Variants in ROBO1 observed in about 807,000 individuals in gnomAD.
The protein encoded by ROBO1 is roundabout homolog 1.
Under a neutral mutation model 195.9 loss-of-function variants are expected in ROBO1, and 149 were observed. That is an observed-to-expected ratio of 0.76 (90% CI 0.67 to 0.87). ROBO1 has a LOEUF of 0.87. Among genes scored for constraint, ROBO1 ranks in the 40% least tolerant of loss-of-function variants. ROBO1 has a pLI of 0.00. For missense variants in ROBO1, 1,933 were observed against 2,068.3 expected (o/e 0.93, Z 1.27); for synonymous variants, 816 against 733.2 (o/e 1.11, Z -1.82).
At chr3:79,697,127 C>G (rs373495785) in intron 1 of ROBO1, among the ~76,000 whole-genome samples, 6 of 151,410 alleles carry the variant, frequency 4.0e-5, no homozygotes, top group South Asian at 2.1e-4. Flanking sequence ...GTATGGACTA[C>G]CCAGCCAGTA....
chr3:79,540,714 G>C (rs1041444848), intron 2 of ROBO1, among the ~76,000 whole-genome samples: 1 of 151,960 alleles, frequency 6.6e-6, no homozygotes, highest in African/African-American at 2.4e-5. Flanking sequence ...TCTGAAACTA[G>C]GTTTCTTCTT....
At chr3:79,552,537 C>A (rs1161280711) in intron 2 of ROBO1, among the ~76,000 whole-genome samples, 1 of 151,954 alleles carries the variant, frequency 6.6e-6, no homozygotes, top group East Asian at 1.9e-4. Flanking sequence ...ATAGTAAATT[C>A]ATAAATTTAA....
intron 2 of ROBO1, among the ~76,000 whole-genome samples, chr3:79,589,126 T>C (rs1943918340): frequency 6.6e-6 from 1 of 151,704 alleles, no homozygotes; most frequent in Non-Finnish European, 1.5e-5. Flanking sequence ...TTAACTTCAA[T>C]TGTTTCTGTC....
At chr3:78,606,681 C>T in intron 29 of ROBO1, 52 bp downstream of exon 29, 2 of 1,564,382 alleles carry the variant, frequency 1.3e-6, no homozygotes, top group Non-Finnish European at 1.7e-6. Flanking sequence ...TAACTGTATG[C>T]CTTGCAAACA....
chr3:78,951,437 TC>T (rs1451169997), intron 3 of ROBO1, among the ~76,000 whole-genome samples: 2 of 152,018 alleles, frequency 1.3e-5, no homozygotes, highest in East Asian at 3.9e-4. Context: ...AAAATTTCTA[TC>T]CCAATTGGCA....
At chr3:79,065,802 A>T (rs893576992) in intron 3 of ROBO1, among the ~76,000 whole-genome samples, 2 of 151,994 alleles carry the variant, frequency 1.3e-5, no homozygotes, top group Non-Finnish European at 2.9e-5. Context: ...AGGATCTAAC[A>T]TATATCCTGT....
chr3:78,683,341 A>C (rs1050118966), intron 10 of ROBO1, among the ~76,000 whole-genome samples: 4 of 152,248 alleles, frequency 2.6e-5, no homozygotes, highest in African/African-American at 9.6e-5. Flanking sequence ...CAACAATTTA[A>C]ATAAAATCAA....
chr3:78,607,355 G>A (rs968209352), intron 28 of ROBO1: 1 of 262,274 alleles, frequency 3.8e-6, no homozygotes, highest in Non-Finnish European at 7.3e-6. Context: ...TAGGACTATA[G>A]GCATGCACCA....
intron 3 of ROBO1, among the ~76,000 whole-genome samples, chr3:79,080,164 C>G (rs1274608280): frequency 1.3e-5 from 2 of 151,828 alleles, no homozygotes; most frequent in African/African-American, 2.4e-5. Context: ...ATGCATTATA[C>G]ATATTATTTA....
intron 2 of ROBO1, among the ~76,000 whole-genome samples, chr3:79,362,567 C>T (rs2035812090): frequency 6.6e-6 from 1 of 152,056 alleles, no homozygotes; most frequent in Non-Finnish European, 1.5e-5. Flanking sequence ...ATGGAGTGGA[C>T]TTGATGAAAT....
intron 4 of ROBO1, among the ~76,000 whole-genome samples, chr3:78,841,175 T>C (rs1369930779): frequency 2.0e-5 from 3 of 151,916 alleles, no homozygotes; most frequent in Non-Finnish European, 2.9e-5. Context: ...AACTTCAAAA[T>C]AGGATAATGA....
At chr3:78,732,880 T>C (rs192466237) in intron 5 of ROBO1, among the ~76,000 whole-genome samples, 1 of 152,266 alleles carries the variant, frequency 6.6e-6, no homozygotes, top group East Asian at 1.9e-4. Context: ...TGCAATAGGC[T>C]TTTAAAGCTT....
intron 4 of ROBO1, among the ~76,000 whole-genome samples, chr3:78,825,694 C>T (rs2108706138): frequency 6.6e-6 from 1 of 152,304 alleles, no homozygotes; most frequent in East Asian, 1.9e-4. Context: ...ACATACATTA[C>T]CTATATGTCA....
At chr3:79,562,409 C>T (rs896727072) in intron 2 of ROBO1, among the ~76,000 whole-genome samples, 15 of 151,886 alleles carry the variant, frequency 9.9e-5, no homozygotes, top group African/African-American at 3.1e-4. Flanking sequence ...GGTACATGCG[C>T]GTAACTTATG....
chr3:78,787,926 C>CTTTTTTTTTTTTT lies in ROBO1; in HGVS notation c.500-41039_500-41027dup, dbSNP rs71127358. On this transcript the variant is annotated intron_variant, in intron 4 of 30. Coordinates refer to ENST00000464233, the MANE Select transcript of ROBO1 (RefSeq NM_002941.4). The stretch of plus-strand genomic sequence containing the variant: ...CTGGCCACAGAGTTAGACCCCTTCT[C>CTTTTTTTTTTTTT]TTTTTTTTTTTTTTTTTTTTTTTTT... Among the ~76,000 whole-genome samples the CTTTTTTTTTTTTT allele has an allele frequency of 2.2e-4, 16 of 71,720 alleles. 1 individual carries two copies. Among genetic ancestry groups the CTTTTTTTTTTTTT allele is most frequent in the African/African-American group, 3.1e-4 (5 of 16,390 alleles). 47.1% of individuals were successfully genotyped at this position (71,720 alleles called of 152,430 possible).
chr3:79,491,274 G>A (rs1163242701), intron 2 of ROBO1, among the ~76,000 whole-genome samples: 1 of 150,800 alleles, frequency 6.6e-6, no homozygotes, highest in Non-Finnish European at 1.5e-5. Context: ...ACTAAAGTAA[G>A]TGATTAAATA....
intron 1 of ROBO1, among the ~76,000 whole-genome samples, chr3:79,762,681 A>C (rs1242057622): frequency 1.3e-5 from 2 of 151,988 alleles, no homozygotes; most frequent in East Asian, 3.9e-4. Context: ...AATGCAAGTA[A>C]ATTTTCATAG....
intron 1 of ROBO1, among the ~76,000 whole-genome samples, chr3:79,599,801 A>G (rs985581716): frequency 1.3e-5 from 2 of 152,148 alleles, no homozygotes; most frequent in Admixed American, 6.6e-5. Context: ...TGCTTAAAAA[A>G]TATTGCATTC....
At chr3:78,637,967 A>C (rs1458300421) in intron 22 of ROBO1, among the ~76,000 whole-genome samples, 1 of 141,096 alleles carries the variant, frequency 7.1e-6, no homozygotes, top group African/African-American at 2.9e-5. Context: ...CTATATTGGC[A>C]ATATTGGGTT....
Sources: gnomAD v4.1 joint callset for allele counts (sites outside exome capture counted in the v4.1 genomes callset) on GRCh38, gnomAD v4.1.1 for gene constraint, MANE v1.5 for transcripts, NCBI Gene and HGNC (gene_info 2026-07-23, HGNC 2026-07-21) for gene names.